The following BACH2 variants were observed in gnomAD, a reference collection of about 807,000 sequenced individuals.
BACH2 encodes BACH transcriptional regulator 2.
In BACH2, 5 loss-of-function variants were observed where a neutral mutation model predicts 61.8. The ratio of observed to expected loss-of-function variants is 0.08; its 90% CI spans 0.04 to 0.17. The LOEUF (loss-of-function observed/expected upper bound fraction) is 0.17. BACH2 is among the 10% of genes least tolerant of loss of function. The probability of loss-of-function intolerance (pLI) is 1.00; values close to 1 mark genes in which losing one functional copy is unlikely to be tolerated. For synonymous variants in BACH2, 446 were observed against 440.1 expected (o/e 1.01, Z -0.17); for missense variants, 824 against 1,091.1 (o/e 0.76, Z 3.45).
chr6:90,002,567 C>CGA (rs1777192013), intron 6 of BACH2, among the ~76,000 whole-genome samples: 1 of 152,116 alleles, frequency 6.6e-6, no homozygotes, highest in African/African-American at 2.4e-5. Context: ...GTCAGGAGTT[C>CGA]GAGACCAGCC....
chr6:90,084,390 G>T, intron 5 of BACH2, among the ~76,000 whole-genome samples: 1 of 148,000 alleles, frequency 6.8e-6, no homozygotes, highest in East Asian at 1.9e-4. Flanking sequence ...ATGAACTCAT[G>T]GGGGGGGAAT....
At chr6:90,121,842 G>A (rs548585886) in intron 4 of BACH2, among the ~76,000 whole-genome samples, 3 of 152,128 alleles carry the variant, frequency 2.0e-5, no homozygotes, top group African/African-American at 7.2e-5. Context: ...CACCGTGCCC[G>A]GCCACCTTTG....
At chr6:90,237,069 G>A (rs1024425636) in intron 3 of BACH2, among the ~76,000 whole-genome samples, 1 of 152,000 alleles carries the variant, frequency 6.6e-6, no homozygotes, top group African/African-American at 2.4e-5. Flanking sequence ...GACTACAGGC[G>A]CCTGCCACCA....
intron 4 of BACH2, among the ~76,000 whole-genome samples, chr6:90,159,991 C>G (rs572858941): frequency 2.0e-5 from 3 of 152,194 alleles, no homozygotes; most frequent in Non-Finnish European, 4.4e-5. Flanking sequence ...AGTATGTATG[C>G]TCTTGACATC....
intron 1 of BACH2, among the ~76,000 whole-genome samples, chr6:90,286,408 A>G (rs1173016681): frequency 6.6e-6 from 1 of 152,174 alleles, no homozygotes; most frequent in Non-Finnish European, 1.5e-5. Flanking sequence ...GGACCTAAAA[A>G]TCTGCAGGAA....
intron 5 of BACH2, among the ~76,000 whole-genome samples, chr6:90,026,767 C>T (rs1025854208): frequency 1.3e-5 from 2 of 152,216 alleles, no homozygotes; most frequent in Non-Finnish European, 2.9e-5. Flanking sequence ...GGCAGAAATA[C>T]AGCTTTCACA....
intron 4 of BACH2, among the ~76,000 whole-genome samples, chr6:90,171,642 T>C (rs1308599433): frequency 2.0e-5 from 3 of 151,126 alleles, no homozygotes; most frequent in Admixed American, 2.0e-4. Flanking sequence ...CAATCAAAAA[T>C]CACAAAACAA....
At chr6:90,247,766 C>T (rs1217909352) in intron 3 of BACH2, among the ~76,000 whole-genome samples, 1 of 152,100 alleles carries the variant, frequency 6.6e-6, no homozygotes, top group African/African-American at 2.4e-5. Context: ...ATGCCTTTAC[C>T]CAAGTGGTTC....
At chr6:89,966,380 C>G (rs1775047766) in intron 6 of BACH2, among the ~76,000 whole-genome samples, 1 of 152,198 alleles carries the variant, frequency 6.6e-6, no homozygotes, top group African/African-American at 2.4e-5. Flanking sequence ...AATGCTGATG[C>G]AATGCAGGCA....
chr6:89,941,412 C>T (rs926166769), intron 7 of BACH2, among the ~76,000 whole-genome samples: 5 of 152,190 alleles, frequency 3.3e-5, no homozygotes, highest in African/African-American at 1.2e-4. Context: ...TGTCCCATGA[C>T]ACCTGTAAAA....
At chr6:90,103,125 T>C (rs1479118411) in intron 4 of BACH2, among the ~76,000 whole-genome samples, 1 of 148,770 alleles carries the variant, frequency 6.7e-6, no homozygotes, top group African/African-American at 2.5e-5. Flanking sequence ...TGCATCTTGA[T>C]CCATGAGTCA....
intron 4 of BACH2, among the ~76,000 whole-genome samples, chr6:90,181,328 GGTGT>G (rs10593294): frequency 2.4e-4 from 36 of 148,314 alleles, no homozygotes; most frequent in East Asian, 3.9e-4. Flanking sequence ...CCCACTGTGT[GGTGT>G]GTGTGTGTGT....
chr6:89,938,386 C>T, intron 7 of BACH2, 36 bp from the exon 8 acceptor site: 3 of 1,564,386 alleles, frequency 1.9e-6, no homozygotes, highest in Non-Finnish European at 2.6e-6. Context: ...ATTATGGCAG[C>T]TGGATTTTAA....
chr6:90,166,776 A>C (rs1279841226), intron 4 of BACH2, among the ~76,000 whole-genome samples: 3 of 152,132 alleles, frequency 2.0e-5, no homozygotes, highest in African/African-American at 7.2e-5. Flanking sequence ...GGAAGCTGGA[A>C]ACCATCATTC....
intron 4 of BACH2, among the ~76,000 whole-genome samples, chr6:90,129,820 C>A (rs1165184463): frequency 6.6e-6 from 1 of 151,844 alleles, no homozygotes; most frequent in Non-Finnish European, 1.5e-5. Context: ...GATTTTGTAT[C>A]CTGAGACTTT....
chr6:90,176,531 T>C (rs546883494), intron 4 of BACH2, among the ~76,000 whole-genome samples: 85 of 152,256 alleles, frequency 5.6e-4, no homozygotes, highest in African/African-American at 2.0e-3. Context: ...GTGAGGTGCC[T>C]GCTAGATAGA....
chr6:90,142,503 T>C lies in BACH2; in HGVS notation c.-161-53394A>G, dbSNP rs1425832573. On this transcript the variant is annotated intron_variant, in intron 4 of 8. Transcript: ENST00000257749. Reference sequence around the variant, plus strand: ...AAAACTCAAGCTGATTGAGGTGATTTCAGGATAATTTCAGGACTATTTGCC... The same window carrying C: ...AAAACTCAAGCTGATTGAGGTGATTCCAGGATAATTTCAGGACTATTTGCC... Among the ~76,000 whole-genome samples, 3 of 152,216 alleles carry C rather than the reference T, an allele frequency of 2.0e-5. No individual in the cohort carries two copies. In the East Asian group the frequency reaches 5.8e-4, roughly 29 times the overall value.
At position 90,288,745 on chromosome 6, in the gene BACH2, T is replaced by G. The variant is rs571944016; in HGVS notation, c.-446+7735A>C. On this transcript the variant is annotated intron_variant, in intron 1 of 8. Coordinates refer to ENST00000257749, the MANE Select transcript of BACH2 (RefSeq NM_021813.4). The stretch of plus-strand genomic sequence containing the variant: ...TTTTATCTGTTACTGGTAGCTAATA[T>G]TTCTAATTAGGATTTCTGATGGAAT... 7.0e-4 allele frequency among the ~76,000 whole-genome samples: 106 copies of G among 152,312 alleles called. 1 individual carries two copies. The highest frequency in any genetic ancestry group is 3.1e-3 in the Admixed American group (47 of 15,306).
intron 3 of BACH2, among the ~76,000 whole-genome samples, chr6:90,234,022 C>T (rs1770183193): frequency 6.6e-6 from 1 of 152,184 alleles, no homozygotes; most frequent in Non-Finnish European, 1.5e-5. Context: ...CTCTTCTAGG[C>T]TTTCACTGGC....
Sources: gnomAD v4.1 joint callset for allele counts (sites outside exome capture counted in the v4.1 genomes callset) on GRCh38, gnomAD v4.1.1 for gene constraint, MANE v1.5 for transcripts, NCBI Gene and HGNC (gene_info 2026-07-23, HGNC 2026-07-21) for gene names.